Variants in SGSM2 observed in about 807,000 individuals in gnomAD.
The protein encoded by SGSM2 is small G protein signaling modulator 2.
In SGSM2, 89 loss-of-function variants were observed where a neutral mutation model predicts 126.6. That is an observed-to-expected ratio of 0.70 (90% CI 0.59 to 0.84). The LOEUF (loss-of-function observed/expected upper bound fraction) is 0.84. Ranked by LOEUF, SGSM2 falls within the 40% of genes least tolerant of loss-of-function variation. The probability of loss-of-function intolerance (pLI) is 0.00; values close to 1 mark genes in which losing one functional copy is unlikely to be tolerated. For missense variants in SGSM2, 1,404 were observed against 1,416.6 expected (o/e 0.99, Z 0.14); for synonymous variants, 614 against 574.3 (o/e 1.07, Z -0.99).
chr17:2,351,805 C>T (rs932815610), intron 2 of SGSM2, among the ~76,000 whole-genome samples: 2 of 152,156 alleles, frequency 1.3e-5, no homozygotes, highest in African/African-American at 4.8e-5. Context: ...AGTGACCTAC[C>T]CGCCTCAGGA....
At chr17:2,356,976 A>G (rs2429903) in intron 2 of SGSM2, among the ~76,000 whole-genome samples, 1,573 of 40,416 alleles carry the variant, frequency 0.039, 12 homozygotes, top group East Asian at 0.11. Flanking sequence ...TGTAAGGGTT[A>G]GGGAAGGGAC....
At chr17:2,345,287 C>A (rs1333082769) in intron 2 of SGSM2, among the ~76,000 whole-genome samples, 1 of 151,972 alleles carries the variant, frequency 6.6e-6, no homozygotes, top group Non-Finnish European at 1.5e-5. Flanking sequence ...CTTGGTGAAA[C>A]CCCGTCTCTA....
chr17:2,373,592 C>CT (rs1454265656), intron 17 of SGSM2, 79 bp downstream of exon 17: 3 of 1,348,952 alleles, frequency 2.2e-6, no homozygotes, highest in Non-Finnish European at 3.0e-6. Context: ...GAGCACCAGC[C>CT]TGACCTCTGG....
chr17:2,376,213 G>A lies in SGSM2; in HGVS notation c.2561G>A (p.Trp854Ter), dbSNP rs751423221. Residue 854 changes from tryptophan (W) to a stop codon, truncating the protein, a stop_gained, in exon 19 of 24, where the codon TGG becomes TAG. Transcript: ENST00000268989. LOFTEE classifies it high-confidence loss of function. ...KDVQRCDRNY[W>*]YFTPPNLERL... ...GTGCAGAGGTGTGACCGCAACTACT[G>A]GTACTTCACGCCCCCCAACCTCGAG... 22 of 1,613,926 alleles carry A rather than the reference G, an allele frequency of 1.4e-5. No homozygotes were observed. The South Asian group carries it at 2.3e-4, about 17-fold the overall frequency.
chr17:2,361,474 G>A (rs532199758), intron 2 of SGSM2, among the ~76,000 whole-genome samples, 163 bp from the exon 3 acceptor site: 131 of 152,322 alleles, frequency 8.6e-4, no homozygotes, highest in African/African-American at 3.1e-3. Flanking sequence ...GGCAGGAGCC[G>A]AGGGACGGGG....
intron 1 of SGSM2, among the ~76,000 whole-genome samples, chr17:2,338,089 A>G (rs1228490680): frequency 6.6e-6 from 1 of 151,424 alleles, no homozygotes; most frequent in Non-Finnish European, 1.5e-5. Flanking sequence ...CCGCGCCGCC[A>G]GGGGAGGGGG....
chr17:2,354,211 G>GTTTTTTTGTTTGTTTTT (rs1555596784), intron 2 of SGSM2, among the ~76,000 whole-genome samples: 5 of 66,192 alleles, frequency 7.6e-5, no homozygotes, highest in African/African-American at 2.0e-4. Flanking sequence ...CTGACCTAGA[G>GTTTTTTTGTTTGTTTTT]TTTTTTTGTT....
chr17:2,379,838 G>A lies in SGSM2; in HGVS notation c.*318G>A, dbSNP rs2066339498. The A allele has an allele frequency of 3.8e-6, 5 of 1,314,700 alleles. No homozygotes were observed. The highest frequency in any genetic ancestry group is 3.2e-5 in the Admixed American group (1 of 31,114). 81.4% of individuals were successfully genotyped at this position (1,314,700 alleles called of 1,614,324 possible). A position where few individuals can be genotyped will look rare whatever the true frequency, so the allele number is the denominator to read the frequency against. On this transcript the variant is annotated 3_prime_UTR_variant, in exon 24 of 24. Coordinates refer to ENST00000268989, the MANE Select transcript of SGSM2 (RefSeq NM_014853.3). ...ACCTGCAGCCGCAGCCTGGACTGCT[G>A]CCCACGAGTGAACCTGGGGCCCCAC... is the stretch of plus-strand genomic sequence containing the variant.
At chr17:2,364,544 G>T in intron 8 of SGSM2, 52 bp from the exon 9 acceptor site, 1 of 1,591,392 alleles carries the variant, frequency 6.3e-7, no homozygotes. Flanking sequence ...AAGGAAGGAA[G>T]GAAGGATGGC....
At chr17:2,364,774 A>G (rs147109708) in intron 9 of SGSM2, 111 bp downstream of exon 9, 37 of 1,558,338 alleles carry the variant, frequency 2.4e-5, no homozygotes, top group South Asian at 3.4e-5. Context: ...ATCCTTGTTA[A>G]TGGGGCTCCC....
rs867998099 is a variant in SGSM2, at chr17:2,379,146, C to T, written c.3010C>T (p.Arg1004Ter). Residue 1004 changes from arginine (R) to a stop codon, truncating the protein, a stop_gained, in exon 23 of 24, where the codon CGA becomes TGA. Coordinates refer to ENST00000268989, the MANE Select transcript of SGSM2 (RefSeq NM_014853.3). LOFTEE classifies it high-confidence loss of function. ...CGCCCTCGCCCTGGTGGAGGCCTAC[C>T]GAGAGATCATCCGTGACAACAACAT... ...FIALALVEAY[R>*]EIIRDNNMDF... 3 of 1,614,054 alleles carry T rather than the reference C, an allele frequency of 1.9e-6. No homozygotes were observed. Among genetic ancestry groups the T allele is most frequent in the African/African-American group, 1.3e-5 (1 of 74,914 alleles).
rs781186148 is a variant in SGSM2, at chr17:2,372,430, C to T, written c.1730C>T (p.Pro577Leu). Residue 577 changes from proline to leucine, a missense_variant, in exon 15 of 24, where the codon CCG becomes CTG. Pro to Leu is a moderately conservative substitution (Grantham distance 98). Transcript: ENST00000268989. This position sits in a 1 kb window ranked among gnomAD's most constrained non-coding sequence, Gnocchi z 6.0. ...AGCGTTATCCCACCTGACCGGCCCCCGGGGGCCTCCGCGGGCCTCACCAAG... is the reference window on the plus strand; with the variant it reads ...AGCGTTATCCCACCTGACCGGCCCCTGGGGGCCTCCGCGGGCCTCACCAAG... ...HHSVIPPDRP[P>L]GASAGLTKDV... 66 of 1,600,168 alleles carry T rather than the reference C, an allele frequency of 4.1e-5. No homozygotes were observed. The highest frequency in any genetic ancestry group is 1.1e-4 in the Admixed American group (6 of 56,878).
intron 16 of SGSM2, 76 bp downstream of exon 16, chr17:2,373,157 A>G (rs1160004029): frequency 1.3e-6 from 2 of 1,583,958 alleles, no homozygotes; most frequent in African/African-American, 2.7e-5. Context: ...GGACCTTGGA[A>G]GCCTCAGCCC....
At chr17:2,369,913 G>A (rs1025910285) in intron 12 of SGSM2, among the ~76,000 whole-genome samples, 34 of 152,268 alleles carry the variant, frequency 2.2e-4, no homozygotes, top group African/African-American at 7.9e-4. Flanking sequence ...TCCTCACCAC[G>A]CGTGTTCCCT....
At position 2,372,141 on chromosome 17, in the gene SGSM2, C is replaced by T. The variant is rs2065899345; in HGVS notation, c.1578-49C>T. The T allele has an allele frequency of 6.2e-7, 1 of 1,606,198 alleles. No individual in the cohort carries two copies. The highest frequency in any genetic ancestry group is 1.3e-5 in the African/African-American group (1 of 74,920). ...GCCTCCTCCCTTCTCTCTCTCCTCC[C>T]ACCAGAGGGGCCGCAGCCCCTCCCT... On this transcript the variant is annotated intron_variant, in intron 13 of 23. Transcript: ENST00000268989. This position sits in a 1 kb window ranked among gnomAD's most constrained non-coding sequence, Gnocchi z 6.0.
intron 22 of SGSM2, 123 bp from the exon 23 acceptor site, chr17:2,378,913 C>T (rs1374929238): frequency 3.4e-6 from 4 of 1,186,812 alleles, no homozygotes; most frequent in Non-Finnish European, 3.5e-6. Flanking sequence ...CCAGCATCAG[C>T]CCCAGCCCCA....
intron 11 of SGSM2, among the ~76,000 whole-genome samples, chr17:2,365,646 T>C (rs1240686988): frequency 1.3e-5 from 2 of 151,812 alleles, no homozygotes; most frequent in Non-Finnish European, 2.9e-5. Flanking sequence ...GTAAAACACG[T>C]GGAGAAACGA....
chr17:2,378,276 A>G (rs1475234302), intron 22 of SGSM2, among the ~76,000 whole-genome samples: 1 of 152,134 alleles, frequency 6.6e-6, no homozygotes, highest in Non-Finnish European at 1.5e-5. Context: ...TAATTTTTAA[A>G]AAAGAAAGAA....
chr17:2,379,283 G>T (rs750941674), intron 23 of SGSM2, 80 bp downstream of exon 23: 1 of 1,574,780 alleles, frequency 6.4e-7, no homozygotes, highest in Non-Finnish European at 8.7e-7. Flanking sequence ...ACAGCTGGAG[G>T]GTTCTCAGGA....
Sources: allele counts gnomAD v4.1 joint callset (sites outside exome capture counted in the v4.1 genomes callset), GRCh38; gene constraint gnomAD v4.1.1; non-coding constraint Gnocchi (gnomAD v3.1); transcripts MANE v1.5; gene names NCBI Gene and HGNC (gene_info 2026-07-23, HGNC 2026-07-21).